The following SCN7A variants were observed in gnomAD, a reference collection of about 807,000 sequenced individuals.
SCN7A encodes sodium channel protein type 7 subunit alpha.
SCN7A carries 138 observed loss-of-function variants against 155.2 expected under a neutral mutation model. That is an observed-to-expected ratio of 0.89 (90% CI 0.77 to 1.02). The LOEUF (loss-of-function observed/expected upper bound fraction) is 1.02, where lower values mean the gene tolerates loss of function less well. Ranked by LOEUF, SCN7A falls within the 50% of genes least tolerant of loss-of-function variation. The pLI is 0.00. For missense variants in SCN7A, 2,058 were observed against 1,986.6 expected, an observed-to-expected ratio of 1.04 and a Z score of -0.68; for synonymous variants, 693 against 649.0, an observed-to-expected ratio of 1.07 and a Z score of -1.03.
chr2:166,469,706 G>T (rs984933339), intron 7 of SCN7A, among the ~76,000 whole-genome samples: 4 of 151,782 alleles, frequency 2.6e-5, no homozygotes, highest in African/African-American at 9.7e-5. Context: ...AATATGTGGG[G>T]AGTAGTAAGG....
intron 21 of SCN7A, among the ~76,000 whole-genome samples, chr2:166,414,103 T>TGTAAA (rs1701276985): frequency 4.8e-5 from 3 of 63,042 alleles, no homozygotes; most frequent in South Asian, 4.5e-4. Context: ...ATATAATATA[T>TGTAAA]TATATATAAA....
chr2:166,423,415 A>C lies in SCN7A; in HGVS notation c.2871T>G (p.Tyr957Ter). ...STGTLAFEDI[Y>*]MDQRKTIKIL... is the part of the protein sequence containing the mutation. ...TTTTAATTGTCTTTCTCTGATCCAT[A>C]TATATATCTTCAAAAGCCTGTGGGT... Residue 957 changes from tyrosine (Y) to a stop codon, truncating the protein, a stop_gained, in exon 19 of 26, where the codon TAT (tyrosine) becomes TAG (stop). Transcript: ENST00000643258. LOFTEE classifies it high-confidence loss of function. The C allele has an allele frequency of 6.4e-7, 1 of 1,560,444 alleles. No homozygotes were observed.
At chr2:166,461,261 T>C (rs1381422289) in intron 10 of SCN7A, among the ~76,000 whole-genome samples, 14 of 152,134 alleles carry the variant, frequency 9.2e-5, no homozygotes, top group East Asian at 1.9e-4. Context: ...GATGTGTATG[T>C]ATGTTTGTTT....
Position 166,486,893 on chromosome 2 carries a change from C to A in SCN7A, c.-52G>T, listed in dbSNP as rs1703064479. The A allele has an allele frequency of 6.6e-6, 1 of 152,238 alleles. No homozygotes were observed. 9.4% of individuals were successfully genotyped at this position (152,238 alleles called of 1,614,324 possible). A position where few individuals can be genotyped will look rare whatever the true frequency, so the allele number is the denominator to read the frequency against. On this transcript the variant is annotated 5_prime_UTR_variant, in exon 2 of 26. Transcript: ENST00000643258. ...AGCACTTCTCCAGAAGATCCACACTCTTTTCATATCTTTGGGCACTAGTTT... is the reference window on the plus strand; with the variant it reads ...AGCACTTCTCCAGAAGATCCACACTATTTTCATATCTTTGGGCACTAGTTT...
chr2:166,405,755 T>A lies in SCN7A; in HGVS notation c.4874A>T (p.Glu1625Val). The A allele has an allele frequency of 6.2e-7, 1 of 1,613,004 alleles. No homozygotes were observed. The highest frequency in any genetic ancestry group is 2.2e-5 in the East Asian group (1 of 44,840). ...TTGAATGATGGTTGCTGAAACTGCC[T>A]CTTGTTTTCGTTTCAAAGTAGTCGT... is the stretch of plus-strand genomic sequence containing the variant. The part of the protein sequence containing the change: ...PITTTLKRKQ[E>V]AVSATIIQRA... The change falls in exon 26 of 26, where the codon GAG becomes GTG. Residue 1625 changes from glutamate to valine, a missense_variant. Transcript: ENST00000643258.
At chr2:166,416,352 AC>A (rs1701376542) in intron 21 of SCN7A, among the ~76,000 whole-genome samples, 2 of 151,632 alleles carry the variant, frequency 1.3e-5, no homozygotes, top group South Asian at 4.2e-4. Flanking sequence ...CTGTTTGTAC[AC>A]CCCCTCCCCT....
Position 166,428,002 on chromosome 2 carries a change from T to G in SCN7A, c.2699-60A>C. 4 of 1,521,050 alleles carry G rather than the reference T, an allele frequency of 2.6e-6. No homozygotes were observed. The East Asian group carries it at 9.1e-5, about 34-fold the overall frequency. The allele number at this position is 1,521,050 out of a possible 1,614,324, so 94.2% of individuals were successfully genotyped here. A position where few individuals can be genotyped will look rare whatever the true frequency, so the allele number is the denominator to read the frequency against. ...GAAAACTCATGAAAAAGTAAACAAC[T>G]GAAACTTTCTACTATGTGCCACAGC... On this transcript the variant is annotated intron_variant, in intron 17 of 25. Transcript: ENST00000643258.
At chr2:166,421,345 A>G (rs1195643478) in intron 19 of SCN7A, 48 bp from the exon 20 acceptor site, 6 of 1,048,228 alleles carry the variant, frequency 5.7e-6, no homozygotes, top group African/African-American at 5.0e-5. Context: ...CATATTAATC[A>G]AAATAACATG....
chr2:166,432,309 A>T lies in SCN7A; in HGVS notation c.2592+9T>A. 1 of 1,581,100 alleles carries T rather than the reference A, an allele frequency of 6.3e-7. No individual in the cohort carries two copies. Among genetic ancestry groups the T allele is most frequent in the Non-Finnish European group, 8.6e-7 (1 of 1,165,448 alleles). On this transcript the variant is annotated intron_variant, in intron 16 of 25. Coordinates refer to ENST00000643258, the MANE Select transcript of SCN7A (RefSeq NM_002976.4). ...ACCACTAAGCAATCAGGATATTTAA[A>T]CATCTTACCTCTTTGCTGCCTCCAT...
chr2:166,460,718 T>C (rs912732896), intron 10 of SCN7A, among the ~76,000 whole-genome samples: 2 of 152,158 alleles, frequency 1.3e-5, no homozygotes, highest in African/African-American at 4.8e-5. Flanking sequence ...TATGATATTA[T>C]GAGAAAAGCT....
intron 18 of SCN7A, among the ~76,000 whole-genome samples, chr2:166,425,902 G>T (rs1328753418): frequency 6.6e-6 from 1 of 152,070 alleles, no homozygotes; most frequent in East Asian, 1.9e-4. Context: ...CCTACAGGCT[G>T]GATCAAAGGG....
At chr2:166,443,372 T>G in intron 14 of SCN7A, 131 bp downstream of exon 14, 1 of 723,652 alleles carries the variant, frequency 1.4e-6, no homozygotes, top group South Asian at 2.1e-5. Context: ...ATAAACTCTT[T>G]ATATACTAAT....
At chr2:166,490,460 A>G (rs1683068338) in intron 1 of SCN7A, among the ~76,000 whole-genome samples, 1 of 152,208 alleles carries the variant, frequency 6.6e-6, no homozygotes, top group African/African-American at 2.4e-5. Context: ...TTAGTTTGTC[A>G]AAGAGATATC....
At position 166,465,135 on chromosome 2, in the gene SCN7A, C is replaced by T. The variant is rs758466663; in HGVS notation, c.941+327G>A. On this transcript the variant is annotated intron_variant, in intron 9 of 25. Coordinates refer to ENST00000643258, the MANE Select transcript of SCN7A (RefSeq NM_002976.4). Reference sequence around the variant, plus strand: ...AAGGCCTGAGAGAAACCTCTGGCCTCGTCTGCTATGTGAGGACACAGCAAA... The same window carrying T: ...AAGGCCTGAGAGAAACCTCTGGCCTTGTCTGCTATGTGAGGACACAGCAAA... 9.2e-5 allele frequency among the ~76,000 whole-genome samples: 14 copies of T among 152,130 alleles called. No homozygotes were observed. The South Asian group carries it at 1.7e-3, about 18-fold the overall frequency.
intron 11 of SCN7A, among the ~76,000 whole-genome samples, chr2:166,448,005 T>C (rs1177523686): frequency 1.3e-5 from 2 of 152,150 alleles, no homozygotes; most frequent in East Asian, 3.9e-4. Context: ...AACTATATAA[T>C]AAATTATTAA....
rs767726955 is a variant in SCN7A, at chr2:166,432,528, G to C, written c.2382C>G (p.Thr794=). Residue 794 remains threonine, a synonymous_variant, in exon 16 of 26, where the codon ACC becomes ACG. Transcript: ENST00000643258. ...CTTGGGTGTTGCTCAATTCAGAAAG[G>C]GTATGGTCAGAAATATCTTCTTTAA... The part of the protein sequence containing the change: ...VYVKEDISDH[T]LSELSNTQDF... 2 of 1,613,306 alleles carry C rather than the reference G, an allele frequency of 1.2e-6. No individual in the cohort carries two copies. Among genetic ancestry groups the C allele is most frequent in the Non-Finnish European group, 1.7e-6 (2 of 1,179,606 alleles).
intron 12 of SCN7A, among the ~76,000 whole-genome samples, chr2:166,445,418 TA>T (rs1280590754): frequency 1.3e-5 from 2 of 152,106 alleles, no homozygotes; most frequent in African/African-American, 4.8e-5. Context: ...TCAAATTGTT[TA>T]AAGTTCTAAC....
Position 166,447,656 on chromosome 2 carries a change from G to C in SCN7A, c.1343C>G (p.Thr448Arg). Residue 448 changes from threonine (T) to arginine (R), a missense_variant, in exon 12 of 26, where the codon ACA becomes AGA. Thr to Arg is a moderately conservative substitution (Grantham distance 71). Coordinates refer to ENST00000643258, the MANE Select transcript of SCN7A (RefSeq NM_002976.4). ...MKKRSPISTD[T>R]SLDVLEDATL... ...AGCATCTTCCAACACATCCAATGAT[G>C]TGTCTGTGGAAATTGGTGACCTTTT... 1 of 1,613,198 alleles carries C rather than the reference G, an allele frequency of 6.2e-7. No individual in the cohort carries two copies. Among genetic ancestry groups the C allele is most frequent in the Non-Finnish European group, 8.5e-7 (1 of 1,179,444 alleles).
chr2:166,415,622 G>T (rs576879635), intron 21 of SCN7A, among the ~76,000 whole-genome samples: 1 of 152,074 alleles, frequency 6.6e-6, no homozygotes, highest in Non-Finnish European at 1.5e-5. Flanking sequence ...AAATTGCGAA[G>T]ATTTCATTTT....
Sources: allele counts gnomAD v4.1 joint callset (sites outside exome capture counted in the v4.1 genomes callset), GRCh38; gene constraint gnomAD v4.1.1; transcripts MANE v1.5; gene names NCBI Gene and HGNC (gene_info 2026-07-23, HGNC 2026-07-21).